DGKH: variants seen among roughly 807,000 people sequenced by gnomAD.
The protein encoded by DGKH is diacylglycerol kinase eta.
In DGKH, 90 loss-of-function variants were observed where a neutral mutation model predicts 159.3. That is an observed-to-expected ratio of 0.57 (90% CI 0.48 to 0.67). The LOEUF is 0.67. Ranked by LOEUF, DGKH falls within the 30% of genes least tolerant of loss-of-function variation. DGKH has a pLI of 0.00. For missense variants in DGKH, 1,181 were observed against 1,506.1 expected (o/e 0.78, Z 3.57); for synonymous variants, 536 against 553.8 (o/e 0.97, Z 0.45).
At chr13:42,213,183 A>C (rs1351102618) in intron 24 of DGKH, among the ~76,000 whole-genome samples, 1 of 152,190 alleles carries the variant, frequency 6.6e-6, no homozygotes, top group African/African-American at 2.4e-5. Flanking sequence ...TGTCCCTATA[A>C]AAAATGATAG....
At chr13:42,174,187 T>G in intron 12 of DGKH, 43 bp downstream of exon 12, 1 of 1,426,384 alleles carries the variant, frequency 7.0e-7, no homozygotes, top group Non-Finnish European at 9.7e-7. Context: ...TGGGGGTGGA[T>G]ATCTTGAGAA....
At chr13:42,195,433 C>T (rs374082138) in intron 17 of DGKH, among the ~76,000 whole-genome samples, 24 of 152,160 alleles carry the variant, frequency 1.6e-4, no homozygotes, top group East Asian at 9.7e-4. Flanking sequence ...ACTCGGGAGG[C>T]GGAGGGTGCG....
At chr13:42,145,053 T>C (rs1050990170) in intron 3 of DGKH, among the ~76,000 whole-genome samples, 3 of 152,232 alleles carry the variant, frequency 2.0e-5, no homozygotes, top group Admixed American at 6.5e-5. Context: ...TTAGCAATTT[T>C]GATTCCCCTT....
intron 1 of DGKH, among the ~76,000 whole-genome samples, chr13:42,073,491 G>A (rs1347387348): frequency 6.6e-6 from 1 of 152,116 alleles, no homozygotes; most frequent in East Asian, 1.9e-4. Context: ...TTCACTTTCA[G>A]TACAGTACTC....
chr13:42,116,021 A>G (rs1251905915), intron 1 of DGKH, among the ~76,000 whole-genome samples: 1 of 152,198 alleles, frequency 6.6e-6, no homozygotes, highest in African/African-American at 2.4e-5. Flanking sequence ...TATGATGATA[A>G]TATCTTGACA....
At chr13:42,103,969 A>T (rs12184660) in intron 1 of DGKH, among the ~76,000 whole-genome samples, 18,722 of 152,254 alleles carry the variant, frequency 0.12, 1,539 homozygotes, top group Admixed American at 0.22. Flanking sequence ...GTATATATAG[A>T]CTAACAAGCT....
Position 42,240,292 on chromosome 13 carries a change from G to A in DGKH, c.*11104G>A, listed in dbSNP as rs1958492136. On this transcript the variant is annotated 3_prime_UTR_variant, in exon 30 of 30. Coordinates refer to ENST00000337343, the MANE Select transcript of DGKH (RefSeq NM_178009.5). ...TGTGTGCACTCTGGGCAAACCAACA[G>A]AAGATAAACAGCAAGGAAGAGCAGT... The A allele has an allele frequency of 6.6e-6, 1 of 152,234 alleles. No homozygotes were observed. The highest frequency in any genetic ancestry group is 1.5e-5 in the Non-Finnish European group (1 of 68,034). 9.4% of individuals were successfully genotyped at this position (152,234 alleles called of 1,614,324 possible). A position where few individuals can be genotyped will look rare whatever the true frequency, so the allele number is the denominator to read the frequency against.
intron 1 of DGKH, among the ~76,000 whole-genome samples, chr13:42,040,757 G>GGGC (rs895060894): frequency 2.1e-4 from 32 of 149,054 alleles, no homozygotes; most frequent in East Asian, 1.6e-3. Context: ...CGGGGAGCCG[G>GGGC]GGCGGCGGCG....
chr13:42,076,180 T>G (rs1457447083), intron 1 of DGKH, among the ~76,000 whole-genome samples: 3 of 152,206 alleles, frequency 2.0e-5, no homozygotes, highest in Non-Finnish European at 4.4e-5. Context: ...AGACACCAAC[T>G]TAAGTTTTTA....
At chr13:42,218,817 T>A (rs990619361) in intron 26 of DGKH, among the ~76,000 whole-genome samples, 5 of 152,116 alleles carry the variant, frequency 3.3e-5, no homozygotes, top group Admixed American at 3.3e-4. Flanking sequence ...CCTGGTGACC[T>A]ATTTAAATCA....
chr13:42,226,786 A>C (rs1594244872), intron 29 of DGKH, among the ~76,000 whole-genome samples: 1 of 151,802 alleles, frequency 6.6e-6, no homozygotes, highest in South Asian at 2.1e-4. Flanking sequence ...GAACCTGGGA[A>C]GCAGAGGTTG....
intron 1 of DGKH, among the ~76,000 whole-genome samples, chr13:42,117,435 A>C (rs1275822679): frequency 2.0e-5 from 3 of 152,208 alleles, no homozygotes; most frequent in African/African-American, 7.2e-5. Flanking sequence ...TTTTATGAGA[A>C]GCGTCTGTTT....
At chr13:42,179,244 T>C (rs1030161000) in intron 13 of DGKH, among the ~76,000 whole-genome samples, 7 of 152,190 alleles carry the variant, frequency 4.6e-5, no homozygotes, top group Non-Finnish European at 2.9e-5. Context: ...TTTGTGCAAA[T>C]ATTGGACTAA....
rs11348903 is a variant in DGKH at position 42,237,400 on chromosome 13, GAA to G, written c.*8218_*8219del. 6.6e-6 allele frequency: 1 copy of G among 151,880 alleles called. No individual in the cohort carries two copies. The highest frequency in any genetic ancestry group is 1.5e-5 in the Non-Finnish European group (1 of 67,976). The allele number at this position is 151,880 out of a possible 1,614,324, so 9.4% of individuals were successfully genotyped here. A position where few individuals can be genotyped will look rare whatever the true frequency, so the allele number is the denominator to read the frequency against. On this transcript the variant is annotated 3_prime_UTR_variant, in exon 30 of 30. Coordinates refer to ENST00000337343, the MANE Select transcript of DGKH (RefSeq NM_178009.5). ...GCACAAGCAGTTATTGGAAGTGGGGGAAAAAAAGAAAACTGGTGAGAGAAATT... is the reference window on the plus strand; with the variant it reads ...GCACAAGCAGTTATTGGAAGTGGGGGAAAAAGAAAACTGGTGAGAGAAATT...
rs1348399751 is a variant in DGKH, at chr13:42,189,206, T to C, written c.1809T>C (p.Val603=). ...GCAAAGAGCAGCTTGGGGATGACGTTACAAAACCTTCCTCCCAGAAAGCCG... is the reference window on the plus strand; with the variant it reads ...GCAAAGAGCAGCTTGGGGATGACGTCACAAAACCTTCCTCCCAGAAAGCCG... ...GESKEQLGDD[V]TKPSSQKAVK... Residue 603 remains valine (V), a synonymous_variant, in exon 15 of 30, where the codon GTT becomes GTC. Transcript: ENST00000337343. The C allele has an allele frequency of 1.2e-6, 2 of 1,614,082 alleles. No homozygotes were observed. Among genetic ancestry groups the C allele is most frequent in the Non-Finnish European group, 1.7e-6 (2 of 1,180,048 alleles).
At chr13:42,210,016 GTC>G (rs1957606740) in intron 23 of DGKH, among the ~76,000 whole-genome samples, 1 of 107,464 alleles carries the variant, frequency 9.3e-6, no homozygotes, top group Non-Finnish European at 1.9e-5. Flanking sequence ...TTTTTTTACT[GTC>G]TCTATTATTT....
At chr13:42,161,301 C>T (rs1164926387) in intron 7 of DGKH, among the ~76,000 whole-genome samples, 2 of 152,194 alleles carry the variant, frequency 1.3e-5, no homozygotes, top group African/African-American at 4.8e-5. Flanking sequence ...TGTACATTTA[C>T]TAAAGTCGAT....
chr13:42,093,413 C>T lies in DGKH; in HGVS notation c.193-34050C>T, dbSNP rs149741345. 8.1e-3 allele frequency among the ~76,000 whole-genome samples: 1,237 copies of T among 152,082 alleles called. 5 individuals carry two copies. Among genetic ancestry groups the T allele is most frequent in the African/African-American group, 0.011 (438 of 41,472 alleles). ...AGAAAGTGGGACCCTTCTGCACTGA[C>T]GTATAATTGTGTAGCCATGGTGGAA... On this transcript the variant is annotated intron_variant, in intron 1 of 29. Coordinates refer to ENST00000337343, the MANE Select transcript of DGKH (RefSeq NM_178009.5).
At chr13:42,145,174 G>A (rs1176423237) in intron 3 of DGKH, among the ~76,000 whole-genome samples, 1 of 152,138 alleles carries the variant, frequency 6.6e-6, no homozygotes, top group Non-Finnish European at 1.5e-5. Flanking sequence ...CATTTTTGTG[G>A]TCTCTGGATC....
Sources: allele counts gnomAD v4.1 joint callset (sites outside exome capture counted in the v4.1 genomes callset), GRCh38; gene constraint gnomAD v4.1.1; transcripts MANE v1.5; gene names NCBI Gene and HGNC (gene_info 2026-07-23, HGNC 2026-07-21).